The following MMRN2 variants were observed in gnomAD, a reference collection of about 807,000 sequenced individuals.
MMRN2 encodes multimerin 2.
Under a neutral mutation model 68.8 loss-of-function variants are expected in MMRN2, and 53 were observed. The ratio of observed to expected loss-of-function variants is 0.77; its 90% confidence interval spans 0.62 to 0.97. The LOEUF (loss-of-function observed/expected upper bound fraction) is 0.97, where lower values mean the gene tolerates loss of function less well. Among genes scored for constraint, MMRN2 ranks in the 50% least tolerant of loss-of-function variants. The pLI, the probability that MMRN2 is intolerant of heterozygous loss-of-function variation, is 0.00. For synonymous variants in MMRN2, 564 were observed against 551.6 expected (o/e 1.02, Z -0.32); for missense variants, 1,266 against 1,259.5 (o/e 1.01, Z -0.08).
intron 6 of MMRN2, among the ~76,000 whole-genome samples, chr10:86,938,725 A>C (rs1456751635): frequency 2.0e-5 from 3 of 152,240 alleles, no homozygotes; most frequent in Non-Finnish European, 4.4e-5. Flanking sequence ...GCAATTACTG[A>C]CTTGGGTCCC....
rs537314381 is a variant in MMRN2 at position 86,957,108 on chromosome 10, G to C, written c.164+270C>G. Among the ~76,000 whole-genome samples, 6 of 152,324 alleles carry C rather than the reference G, an allele frequency of 3.9e-5. No homozygotes were observed. The South Asian group carries it at 1.2e-3, about 32-fold the overall frequency. On this transcript the variant is annotated intron_variant, in intron 1 of 6. Coordinates refer to ENST00000372027, the MANE Select transcript of MMRN2 (RefSeq NM_024756.3). ...CACAGTCCCCCAGTGCCCCATGCTG[G>C]GTGATTGATGGTAGGAGCTGTGCCT... is the stretch of plus-strand genomic sequence containing the variant.
At position 86,957,611 on chromosome 10, in the gene MMRN2, G is replaced by C. The variant is rs1476361634; in HGVS notation, c.-70C>G. 7 of 1,502,718 alleles carry C rather than the reference G, an allele frequency of 4.7e-6. No homozygotes were observed. The allele number at this position is 1,502,718 out of a possible 1,614,324, so 93.1% of individuals were successfully genotyped here. A position where few individuals can be genotyped will look rare whatever the true frequency, so the allele number is the denominator to read the frequency against. On this transcript the variant is annotated 5_prime_UTR_variant, in exon 1 of 7. Coordinates refer to ENST00000372027, the MANE Select transcript of MMRN2 (RefSeq NM_024756.3). Reference sequence around the variant, plus strand: ...AGCTCCAGAAACTGCTAGTGACGTTGTCTTCAAGTTAAATCTCAGGAGGAA... The same window carrying C: ...AGCTCCAGAAACTGCTAGTGACGTTCTCTTCAAGTTAAATCTCAGGAGGAA...
At position 86,936,832 on chromosome 10, in the gene MMRN2, G is replaced by A. The variant is rs772012647; in HGVS notation, c.2761C>T (p.Arg921Ter). The change falls in exon 7 of 7, where the codon CGA (arginine) becomes TGA (stop). Residue 921 changes from arginine to a stop codon, truncating the protein, a stop_gained. Coordinates refer to ENST00000372027, the MANE Select transcript of MMRN2 (RefSeq NM_024756.3). LOFTEE classifies it high-confidence loss of function. ...CCCTGGGTTAACTCAAACCATACTC[G>A]CTCACCCTTCTGCAGCTCAGCCATG... ...FAMAELQKGE[R>*]VWFELTQGSI... is the part of the protein sequence containing the mutation. The A allele has an allele frequency of 2.2e-5, 36 of 1,614,026 alleles. No individual in the cohort carries two copies. The highest frequency in any genetic ancestry group is 3.0e-5 in the Non-Finnish European group (35 of 1,180,036).
chr10:86,945,796 T>C (rs1223538983), intron 1 of MMRN2, 107 bp from the exon 2 acceptor site: 1 of 1,569,436 alleles, frequency 6.4e-7, no homozygotes, highest in Non-Finnish European at 8.6e-7. Flanking sequence ...GTGCTGGGAT[T>C]CTGGAATCCA....
At chr10:86,953,678 A>C (rs1208920731) in intron 1 of MMRN2, among the ~76,000 whole-genome samples, 1 of 152,142 alleles carries the variant, frequency 6.6e-6, no homozygotes, top group Non-Finnish European at 1.5e-5. Flanking sequence ...ACATCTCCAC[A>C]CCCCACCACA....
chr10:86,944,205 C>G, intron 5 of MMRN2, 57 bp downstream of exon 5: 1 of 1,590,140 alleles, frequency 6.3e-7, no homozygotes, highest in Admixed American at 1.7e-5. Context: ...CGGGGTCCTC[C>G]CCTCCTCCCC....
In MMRN2 at chr10:86,936,796, T is replaced by C; in HGVS notation, c.2797A>G (p.Lys933Glu). ...WFELTQGSIT[K>E]RSLSGTAFGG... The stretch of plus-strand genomic sequence containing the variant: ...AATGCAGTGCCCGACAGGCTTCTCT[T>C]TGTTATTGATCCCTGGGTTAACTCA... Residue 933 changes from lysine to glutamate, a missense_variant, in exon 7 of 7, where the codon AAG becomes GAG. By Grantham distance (56) the Lys-to-Glu change is moderately conservative. Coordinates refer to ENST00000372027, the MANE Select transcript of MMRN2 (RefSeq NM_024756.3). The C allele has an allele frequency of 1.9e-6, 3 of 1,614,204 alleles. No homozygotes were observed. Among genetic ancestry groups the C allele is most frequent in the Non-Finnish European group, 2.5e-6 (3 of 1,180,020 alleles).
Position 86,936,797 on chromosome 10 carries a change from T to C in MMRN2, c.2796A>G (p.Thr932=). 1 of 1,614,184 alleles carries C rather than the reference T, an allele frequency of 6.2e-7. No individual in the cohort carries two copies. The highest frequency in any genetic ancestry group is 8.5e-7 in the Non-Finnish European group (1 of 1,180,020). The change falls in exon 7 of 7, where the codon ACA becomes ACG. Residue 932 remains threonine, a synonymous_variant. Coordinates refer to ENST00000372027, the MANE Select transcript of MMRN2 (RefSeq NM_024756.3). Reference sequence around the variant, plus strand: ...ATGCAGTGCCCGACAGGCTTCTCTTTGTTATTGATCCCTGGGTTAACTCAA... The same window carrying C: ...ATGCAGTGCCCGACAGGCTTCTCTTCGTTATTGATCCCTGGGTTAACTCAA... ...VWFELTQGSI[T]KRSLSGTAFG...
At chr10:86,955,012 TGAG>T (rs1311751390) in intron 1 of MMRN2, among the ~76,000 whole-genome samples, 1 of 152,208 alleles carries the variant, frequency 6.6e-6, no homozygotes, top group Non-Finnish European at 1.5e-5. Flanking sequence ...AGGAGAAGCC[TGAG>T]GCTGGTGACT....
intron 1 of MMRN2, among the ~76,000 whole-genome samples, chr10:86,948,379 C>T (rs190680145): frequency 6.6e-6 from 1 of 151,456 alleles, no homozygotes; most frequent in Non-Finnish European, 1.5e-5. Flanking sequence ...AGAAACAAGA[C>T]CAGGAAGCTA....
In MMRN2 at chr10:86,935,867, C is replaced by G. The variant is rs1359046338; in HGVS notation, c.*876G>C. 1 of 152,320 alleles carries G rather than the reference C, an allele frequency of 6.6e-6. No individual in the cohort carries two copies. Among genetic ancestry groups the G allele is most frequent in the African/African-American group, 2.4e-5 (1 of 41,456 alleles). The allele number at this position is 152,320 out of a possible 1,614,324, so 9.4% of individuals were successfully genotyped here. A position where few individuals can be genotyped will look rare whatever the true frequency, so the allele number is the denominator to read the frequency against. On this transcript the variant is annotated 3_prime_UTR_variant, in exon 7 of 7. Coordinates refer to ENST00000372027, the MANE Select transcript of MMRN2 (RefSeq NM_024756.3). ...TTATAAAGGAAAGAGGTTTAATTGACTCACTGTTCCACATGGCTGGGGAGG... is the reference window on the plus strand; with the variant it reads ...TTATAAAGGAAAGAGGTTTAATTGAGTCACTGTTCCACATGGCTGGGGAGG...
chr10:86,951,262 T>C (rs1214048888), intron 1 of MMRN2, among the ~76,000 whole-genome samples: 1 of 152,220 alleles, frequency 6.6e-6, no homozygotes, highest in Non-Finnish European at 1.5e-5. Flanking sequence ...ACCAGTTGAC[T>C]CCTAATCAGG....
intron 1 of MMRN2, among the ~76,000 whole-genome samples, chr10:86,956,889 C>T (rs1384973304): frequency 6.6e-6 from 1 of 152,218 alleles, no homozygotes; most frequent in Non-Finnish European, 1.5e-5. Flanking sequence ...CTTGCTGGGT[C>T]GCTGAGGCAG....
At position 86,942,952 on chromosome 10, in the gene MMRN2, GC is replaced by G; in HGVS notation, c.1831del (p.Ala611ProfsTer22). 6.7e-7 allele frequency: 1 copy of G among 1,500,370 alleles called. No individual in the cohort carries two copies. Among genetic ancestry groups the G allele is most frequent in the Non-Finnish European group, 8.9e-7 (1 of 1,126,328 alleles). The allele number at this position is 1,500,370 out of a possible 1,614,324, so 92.9% of individuals were successfully genotyped here. On this transcript the variant is annotated frameshift_variant, in exon 6 of 7. Transcript: ENST00000372027. LOFTEE classifies it high-confidence loss of function. Reference sequence around the variant, plus strand: ...CAGCACCTCCTCCCCGAAGAGCGCGGCCAGCACCGCCTCGTGCCGCAGCGCG... The same window carrying G: ...CAGCACCTCCTCCCCGAAGAGCGCGGCAGCACCGCCTCGTGCCGCAGCGCG... ...EDALRHEAVL[A>X]ALFGEEVLEE... is the part of the protein sequence containing the mutation.
chr10:86,957,546 G>A lies in MMRN2; in HGVS notation c.-5C>T. On this transcript the variant is annotated 5_prime_UTR_variant, in exon 1 of 7. Coordinates refer to ENST00000372027, the MANE Select transcript of MMRN2 (RefSeq NM_024756.3). The stretch of plus-strand genomic sequence containing the variant: ...GAACAGCAAGCTCAGGATCATCTTG[G>A]TGGTGGGGCAGGCTCAGCTCACACT... The A allele has an allele frequency of 6.2e-7, 1 of 1,604,818 alleles. No homozygotes were observed.
chr10:86,943,248 C>A lies in MMRN2; in HGVS notation c.1536G>T (p.Thr512=), dbSNP rs1375575350. The stretch of plus-strand genomic sequence containing the variant: ...TCACCTGGGTCTCCTCCAGGGCACG[C>A]GTGGCGTCCCTCTGGCCCTCCCGGA... The part of the protein sequence containing the change: ...DVIREGQRDA[T]RALEETQVSL... Residue 512 remains threonine, a synonymous_variant, in exon 6 of 7, where the codon ACG becomes ACT. Transcript: ENST00000372027. The surrounding 1 kb of genome is among the most constrained non-coding windows in gnomAD (Gnocchi z 4.2). 4 of 1,612,790 alleles carry A rather than the reference C, an allele frequency of 2.5e-6. No individual in the cohort carries two copies. In the East Asian group the frequency reaches 8.9e-5, roughly 36 times the overall value.
chr10:86,956,771 G>C (rs948109046), intron 1 of MMRN2, among the ~76,000 whole-genome samples: 1 of 152,234 alleles, frequency 6.6e-6, no homozygotes, highest in Admixed American at 6.5e-5. Flanking sequence ...TGGAGATGAG[G>C]GGGGACTTAC....
At chr10:86,952,309 C>A (rs1009570699) in intron 1 of MMRN2, among the ~76,000 whole-genome samples, 2 of 152,186 alleles carry the variant, frequency 1.3e-5, no homozygotes, top group East Asian at 1.9e-4. Context: ...AAGGCGCTGG[C>A]CCCAGAGCTC....
At chr10:86,941,834 AAAAC>A (rs1843973348) in intron 6 of MMRN2, among the ~76,000 whole-genome samples, 1 of 32,480 alleles carries the variant, frequency 3.1e-5, no homozygotes, top group African/African-American at 8.8e-5. Context: ...AAAGAAAAAA[AAAAC>A]AAAAAAAAAA....
Sources: allele counts gnomAD v4.1 joint callset (sites outside exome capture counted in the v4.1 genomes callset), GRCh38; gene constraint gnomAD v4.1.1; non-coding constraint Gnocchi (gnomAD v3.1); transcripts MANE v1.5; gene names NCBI Gene and HGNC (gene_info 2026-07-23, HGNC 2026-07-21).